The following PCDHA10 variants were observed in gnomAD, a reference collection of about 807,000 sequenced individuals.
The protein encoded by PCDHA10 is protocadherin alpha 10, also known as protocadherin alpha-10.
A neutral mutation model predicts 61.2 loss-of-function variants in PCDHA10; 45 were observed. That is an observed-to-expected ratio of 0.74 (90% CI 0.58 to 0.94). The LOEUF is 0.94. Ranked by LOEUF, PCDHA10 falls within the 40% of genes least tolerant of loss-of-function variation. PCDHA10 has a pLI of 0.00. For missense variants in PCDHA10, 1,278 were observed against 1,236.2 expected (o/e 1.03, Z -0.51); for synonymous variants, 602 against 548.8 (o/e 1.10, Z -1.35).
Position 140,928,358 on chromosome 5 carries a change from CT to C in PCDHA10, c.2389-50590del, listed in dbSNP as rs782782118. 3.7e-6 allele frequency: 6 copies of C among 1,614,178 alleles called. No homozygotes were observed. In the Admixed American group the frequency reaches 1.0e-4, roughly 27 times the overall value. ...TCTTATGAGCTGTTGGATGTTATCT[CT>C]GAAGGGCCATCAGCCTCTAGCTTGC... On this transcript the variant is annotated intron_variant, in intron 1 of 3. Coordinates refer to ENST00000307360, the MANE Select transcript of PCDHA10 (RefSeq NM_018901.4).
intron 1 of PCDHA10, chr5:140,877,407 C>A: frequency 6.2e-7 from 1 of 1,613,942 alleles, no homozygotes; most frequent in Non-Finnish European, 8.5e-7. Flanking sequence ...CTCCGCGCCA[C>A]CGCCTGCTGG....
At chr5:140,888,843 G>T (rs2153425504) in intron 1 of PCDHA10, among the ~76,000 whole-genome samples, 1 of 152,082 alleles carries the variant, frequency 6.6e-6, no homozygotes, top group East Asian at 1.9e-4. Context: ...ACTGCAGCCT[G>T]GTGACAGAGT....
At chr5:140,869,590 G>GAAGA in intron 1 of PCDHA10, 3 of 1,614,102 alleles carry the variant, frequency 1.9e-6, no homozygotes, top group Non-Finnish European at 2.5e-6. Context: ...TGCTGACATT[G>GAAGA]AAGAGAATGC....
rs1197657289 is a variant in PCDHA10 at position 140,900,491 on chromosome 5, G to A, written c.2388+42055G>A. Among the ~76,000 whole-genome samples the A allele has an allele frequency of 2.6e-5, 4 of 152,160 alleles. No homozygotes were observed. The East Asian group carries it at 7.7e-4, about 29-fold the overall frequency. On this transcript the variant is annotated intron_variant, in intron 1 of 3. Transcript: ENST00000307360. ...GGAGTTTCTCCATGTTGGTCAGACT[G>A]GTCTCAAATTCCCAGCCTCAGGTGA...
intron 1 of PCDHA10, among the ~76,000 whole-genome samples, chr5:140,891,237 T>C (rs2063002731): frequency 6.6e-6 from 1 of 152,210 alleles, no homozygotes; most frequent in South Asian, 2.1e-4. Flanking sequence ...CTGTTCTGGA[T>C]TCAGTAGGAT....
intron 1 of PCDHA10, among the ~76,000 whole-genome samples, chr5:140,904,216 ATTG>A (rs2070958692): frequency 6.6e-6 from 1 of 151,842 alleles, no homozygotes; most frequent in East Asian, 1.9e-4. Flanking sequence ...CCCAAAGTCC[ATTG>A]TATTATACTT....
intron 3 of PCDHA10, among the ~76,000 whole-genome samples, chr5:140,988,622 A>G (rs192744779): frequency 6.6e-6 from 1 of 152,242 alleles, no homozygotes; most frequent in East Asian, 1.9e-4. Flanking sequence ...TAGAATGGAG[A>G]TGTCCTGGTT....
intron 1 of PCDHA10, among the ~76,000 whole-genome samples, chr5:140,887,589 T>C (rs1271786236): frequency 6.6e-6 from 1 of 152,120 alleles, no homozygotes; most frequent in Non-Finnish European, 1.5e-5. Context: ...CTTTTGCAGA[T>C]TGATTGTGAT....
chr5:140,870,260 G>C, intron 1 of PCDHA10: 3 of 1,614,200 alleles, frequency 1.9e-6, no homozygotes, highest in Non-Finnish European at 2.5e-6. Flanking sequence ...CAGGTGACCT[G>C]CTCGCTGACG....
At chr5:141,009,529 T>C in intron 3 of PCDHA10, 98 bp from the exon 4 acceptor site, 2 of 1,505,630 alleles carry the variant, frequency 1.3e-6, no homozygotes, top group Non-Finnish European at 1.8e-6. Context: ...TCTGGGGAGG[T>C]TCAGCCTGCC....
At chr5:140,927,481 G>A in intron 1 of PCDHA10, 1 of 1,614,072 alleles carries the variant, frequency 6.2e-7, no homozygotes, top group Non-Finnish European at 8.5e-7. Flanking sequence ...CGAACAGCGC[G>A]CCACCCACCT....
At chr5:140,983,239 C>A (rs557831259) in intron 3 of PCDHA10, among the ~76,000 whole-genome samples, 53 of 152,294 alleles carry the variant, frequency 3.5e-4, no homozygotes, top group African/African-American at 1.2e-3. Context: ...GGAAAGAGAA[C>A]CTGCTAAGTT....
chr5:140,946,216 C>T (rs1361042644), intron 1 of PCDHA10, among the ~76,000 whole-genome samples: 1 of 151,868 alleles, frequency 6.6e-6, no homozygotes, highest in Non-Finnish European at 1.5e-5. Flanking sequence ...AAATGACCAA[C>T]AGGTATACTA....
chr5:140,996,311 G>C lies in PCDHA10; in HGVS notation c.2537-13316G>C, dbSNP rs191577867. On this transcript the variant is annotated intron_variant, in intron 3 of 3. Coordinates refer to ENST00000307360, the MANE Select transcript of PCDHA10 (RefSeq NM_018901.4). ...GAAGCACAGATTGTAACAAAGTAAG[G>C]GGGGAGGGTAGAGAAGAAAAGTTTG... is the stretch of plus-strand genomic sequence containing the variant. 9.0e-4 allele frequency among the ~76,000 whole-genome samples: 137 copies of C among 152,302 alleles called. 1 individual carries two copies. The highest frequency in any genetic ancestry group is 2.8e-3 in the African/African-American group (118 of 41,574).
At chr5:140,993,023 G>C (rs2097537603) in intron 3 of PCDHA10, among the ~76,000 whole-genome samples, 1 of 152,146 alleles carries the variant, frequency 6.6e-6, no homozygotes. Flanking sequence ...AGCATCCCCT[G>C]TGGGCTCCGT....
intron 1 of PCDHA10, chr5:140,861,364 C>T (rs1581608735): frequency 2.8e-6 from 1 of 356,870 alleles, no homozygotes; most frequent in South Asian, 2.7e-5. Flanking sequence ...AGCGTCTTCG[C>T]GGTCCCTATT....
intron 1 of PCDHA10, among the ~76,000 whole-genome samples, chr5:140,878,595 A>G (rs1413193453): frequency 6.6e-6 from 1 of 152,192 alleles, no homozygotes; most frequent in East Asian, 1.9e-4. Flanking sequence ...CCTATTACCA[A>G]GTGAATCTTC....
intron 3 of PCDHA10, among the ~76,000 whole-genome samples, chr5:140,999,591 C>T (rs2153957965): frequency 1.3e-5 from 2 of 152,208 alleles, no homozygotes; most frequent in South Asian, 4.2e-4. Flanking sequence ...AATTGCCTTC[C>T]CTACATCCTG....
rs1346870417 is a variant in PCDHA10 at position 140,982,634 on chromosome 5, TC to T, written c.2536+72del. 11 of 1,555,302 alleles carry T rather than the reference TC, an allele frequency of 7.1e-6. No homozygotes were observed. In the Admixed American group the frequency reaches 2.2e-4, roughly 30 times the overall value. ...GATCAGATGACCTACTTTTGTAAGATCAGGAATGTTGATGGCTCTTTTTCTT... is the reference window on the plus strand; with the variant it reads ...GATCAGATGACCTACTTTTGTAAGATAGGAATGTTGATGGCTCTTTTTCTT... On this transcript the variant is annotated intron_variant, in intron 3 of 3. Transcript: ENST00000307360.
Sources: gnomAD v4.1 joint callset for allele counts (sites outside exome capture counted in the v4.1 genomes callset) on GRCh38, gnomAD v4.1.1 for gene constraint, MANE v1.5 for transcripts, NCBI Gene and HGNC (gene_info 2026-07-23, HGNC 2026-07-21) for gene names.